The following GPA33 variants were observed in gnomAD, a reference collection of about 807,000 sequenced individuals.
GPA33 encodes cell surface A33 antigen.
A neutral mutation model predicts 35.6 loss-of-function variants in GPA33; 27 were observed. The observed-to-expected ratio is 0.76, with a 90% CI of 0.56 to 1.04. The LOEUF is 1.04. Ranked by LOEUF, GPA33 falls within the 50% of genes least tolerant of loss-of-function variation. The pLI is 0.00. For missense variants in GPA33, 428 were observed against 411.9 expected, an observed-to-expected ratio of 1.04 and a Z score of -0.34; for synonymous variants, 176 against 164.0, an observed-to-expected ratio of 1.07 and a Z score of -0.56.
intron 3 of GPA33, among the ~76,000 whole-genome samples, chr1:167,066,195 G>T (rs1666589597): frequency 1.3e-5 from 2 of 152,190 alleles, no homozygotes; most frequent in Admixed American, 1.3e-4. Flanking sequence ...CACCAAGTGT[G>T]CATGACTGAC....
At chr1:167,081,807 C>T (rs1343031803) in intron 1 of GPA33, among the ~76,000 whole-genome samples, 1 of 152,238 alleles carries the variant, frequency 6.6e-6, no homozygotes, top group Non-Finnish European at 1.5e-5. Flanking sequence ...GGGGCAGCGT[C>T]TGAGTCTCAG....
chr1:167,053,149 G>A lies in GPA33; in HGVS notation c.*1185C>T, dbSNP rs1363168992. 6.6e-6 allele frequency: 1 copy of A among 152,236 alleles called. No homozygotes were observed. The highest frequency in any genetic ancestry group is 1.5e-5 in the Non-Finnish European group (1 of 68,112). 9.4% of individuals were successfully genotyped at this position (152,236 alleles called of 1,614,324 possible). On this transcript the variant is annotated 3_prime_UTR_variant, in exon 7 of 7. Transcript: ENST00000367868. ...CCACCAGAAAACCAGAGCCCAAATG[G>A]GCTGGGCAGGGCCAGGGCTGAGGTA...
At chr1:167,066,061 G>T (rs1010014460) in intron 3 of GPA33, among the ~76,000 whole-genome samples, 2 of 152,148 alleles carry the variant, frequency 1.3e-5, no homozygotes, top group African/African-American at 4.8e-5. Flanking sequence ...CCCTCTCCAC[G>T]CATCCAAACC....
At chr1:167,055,179 G>T (rs1037705289) in intron 5 of GPA33, 68 bp from the exon 6 acceptor site, 84 of 1,527,992 alleles carry the variant, frequency 5.5e-5, no homozygotes, top group Admixed American at 5.4e-4. Flanking sequence ...TCCCAGCCAG[G>T]GGAGCAGCAG....
intron 1 of GPA33, among the ~76,000 whole-genome samples, chr1:167,078,273 A>G (rs1666863365): frequency 6.6e-6 from 1 of 152,238 alleles, no homozygotes; most frequent in South Asian, 2.1e-4. Flanking sequence ...CCACAAAGTC[A>G]TCTTCTTACC....
At chr1:167,063,190 G>A (rs1666501791) in intron 4 of GPA33, among the ~76,000 whole-genome samples, 1 of 152,250 alleles carries the variant, frequency 6.6e-6, no homozygotes, top group Non-Finnish European at 1.5e-5. Flanking sequence ...CACTTTGAGA[G>A]GCTGAGGCGG....
At chr1:167,066,004 G>A (rs546849725) in intron 3 of GPA33, among the ~76,000 whole-genome samples, 22 of 152,312 alleles carry the variant, frequency 1.4e-4, no homozygotes, top group African/African-American at 5.3e-4. Flanking sequence ...GGATGGGCTT[G>A]CTGAGCCAAG....
intron 1 of GPA33, among the ~76,000 whole-genome samples, chr1:167,089,530 A>G (rs1454281642): frequency 6.6e-6 from 1 of 152,166 alleles, no homozygotes; most frequent in Non-Finnish European, 1.5e-5. Flanking sequence ...TTGGTACCTT[A>G]ATGCCAAGAC....
At chr1:167,071,701 C>T (rs1361879772) in intron 2 of GPA33, among the ~76,000 whole-genome samples, 1 of 152,148 alleles carries the variant, frequency 6.6e-6, no homozygotes, top group Non-Finnish European at 1.5e-5. Flanking sequence ...CTGGCTCTGC[C>T]CAGGACCCTC....
chr1:167,055,571 G>A (rs1262233196), intron 5 of GPA33, among the ~76,000 whole-genome samples, 159 bp downstream of exon 5: 3 of 152,038 alleles, frequency 2.0e-5, no homozygotes, highest in African/African-American at 4.8e-5. Flanking sequence ...GGGAGCCTGG[G>A]ACAGAGTCAT....
intron 4 of GPA33, among the ~76,000 whole-genome samples, chr1:167,060,687 T>C (rs139758139): frequency 1.0e-3 from 157 of 152,310 alleles, no homozygotes; most frequent in African/African-American, 3.7e-3. Flanking sequence ...CAGAAGAGTC[T>C]CCCTGTGGAG....
At chr1:167,082,888 G>C (rs1297355167) in intron 1 of GPA33, among the ~76,000 whole-genome samples, 1 of 152,158 alleles carries the variant, frequency 6.6e-6, no homozygotes, top group Non-Finnish European at 1.5e-5. Context: ...GGTAGGAGAG[G>C]AGAGGGAAAC....
At chr1:167,068,457 C>G (rs1666646263) in intron 3 of GPA33, among the ~76,000 whole-genome samples, 1 of 152,138 alleles carries the variant, frequency 6.6e-6, no homozygotes, top group Non-Finnish European at 1.5e-5. Flanking sequence ...GATGGAGTAT[C>G]TGTTGAGGGA....
chr1:167,083,962 GAGGACAA>G (rs1667003886), intron 1 of GPA33, among the ~76,000 whole-genome samples: 1 of 152,128 alleles, frequency 6.6e-6, no homozygotes, highest in South Asian at 2.1e-4. Context: ...CCAAGTAGTT[GAGGACAA>G]ATCCTGCTAT....
chr1:167,059,856 T>A lies in GPA33; in HGVS notation c.571+3726A>T, dbSNP rs78403627. ...GAAGTCAGGACTTCTTGTTTCCTGATTCTGGATTCCCTGTTCTTTTCACTG... is the reference window on the plus strand; with the variant it reads ...GAAGTCAGGACTTCTTGTTTCCTGAATCTGGATTCCCTGTTCTTTTCACTG... On this transcript the variant is annotated intron_variant, in intron 4 of 6. Coordinates refer to ENST00000367868, the MANE Select transcript of GPA33 (RefSeq NM_005814.3). Among the ~76,000 whole-genome samples, 503 of 152,302 alleles carry A rather than the reference T, an allele frequency of 3.3e-3. 1 individual carries two copies. The Middle Eastern group carries it at 0.034, about 10-fold the overall frequency.
chr1:167,086,206 G>T (rs902536938), intron 1 of GPA33, among the ~76,000 whole-genome samples: 6 of 152,256 alleles, frequency 3.9e-5, no homozygotes, highest in African/African-American at 9.6e-5. Flanking sequence ...CTTCTGACTT[G>T]TGCTCAGGTG....
At chr1:167,088,173 G>A (rs537107581) in intron 1 of GPA33, among the ~76,000 whole-genome samples, 20 of 152,192 alleles carry the variant, frequency 1.3e-4, no homozygotes, top group African/African-American at 4.8e-4. Context: ...TAAGTCCTCT[G>A]GAACCCAAGT....
Position 167,076,486 on chromosome 1 carries a change from C to T in GPA33, c.44-2947G>A, listed in dbSNP as rs565212754. 1.5e-4 allele frequency among the ~76,000 whole-genome samples: 23 copies of T among 152,312 alleles called. No homozygotes were observed. In the South Asian group the frequency reaches 4.8e-3, roughly 32 times the overall value. ...GCCCAGCTGGGAAGACTCCACTATC[C>T]AGGCAAATTCCAGCTGGATTAACAC... On this transcript the variant is annotated intron_variant, in intron 1 of 6. Transcript: ENST00000367868.
intron 2 of GPA33, among the ~76,000 whole-genome samples, chr1:167,071,337 G>T (rs1571313260): frequency 6.6e-6 from 1 of 152,314 alleles, no homozygotes; most frequent in East Asian, 1.9e-4. Context: ...AAAAGAGGTT[G>T]CTGTTGATTT....
Sources: allele counts gnomAD v4.1 joint callset (sites outside exome capture counted in the v4.1 genomes callset), GRCh38; gene constraint gnomAD v4.1.1; transcripts MANE v1.5; gene names NCBI Gene and HGNC (gene_info 2026-07-23, HGNC 2026-07-21).